The following CAPN8 variants were observed in gnomAD, a reference collection of about 807,000 sequenced individuals.
CAPN8 encodes the protein calpain-8.
CAPN8 carries 87 observed loss-of-function variants against 80.9 expected under a neutral mutation model. The ratio of observed to expected loss-of-function variants is 1.07; its 90% CI spans 0.90 to 1.28. The LOEUF (loss-of-function observed/expected upper bound fraction) is 1.28, where lower values mean the gene tolerates loss of function less well. Among genes scored for constraint, CAPN8 ranks in the 50% most tolerant of loss-of-function variants. CAPN8 has a pLI of 0.00. For missense variants in CAPN8, 757 were observed against 702.0 expected, an observed-to-expected ratio of 1.08 and a Z score of -0.89; for synonymous variants, 299 against 273.8, an observed-to-expected ratio of 1.09 and a Z score of -0.91.
intron 16 of CAPN8, 43 bp from the exon 17 acceptor site, chr1:223,545,342 A>G: frequency 1.3e-6 from 2 of 1,551,222 alleles, no homozygotes; most frequent in Non-Finnish European, 1.7e-6. Flanking sequence ...CAAATTCTAC[A>G]TGCCTTATAG....
chr1:223,640,226 T>C (rs1399650286), intron 2 of CAPN8, among the ~76,000 whole-genome samples: 1 of 151,952 alleles, frequency 6.6e-6, no homozygotes, highest in Non-Finnish European at 1.5e-5. Flanking sequence ...AAGATAAAAA[T>C]GAGATAAGAT....
intron 2 of CAPN8, among the ~76,000 whole-genome samples, chr1:223,648,146 G>C (rs1020065778): frequency 1.3e-4 from 20 of 152,216 alleles, no homozygotes; most frequent in Admixed American, 1.2e-3. Context: ...GTAGAAAGGA[G>C]AGTGGTGTTA....
chr1:223,642,451 A>G (rs1658068996), intron 2 of CAPN8, among the ~76,000 whole-genome samples: 1 of 152,134 alleles, frequency 6.6e-6, no homozygotes, highest in Admixed American at 6.5e-5. Context: ...TCCCATGACG[A>G]CCCAGAAGGG....
chr1:223,543,096 C>T lies in CAPN8; in HGVS notation c.2088+12G>A. ...CATCAGCCAGCAATTCATCAAACCT[C>T]AGGACATTCACCTCGGCCAGAGAGA... On this transcript the variant is annotated intron_variant, in intron 20 of 20. Transcript: ENST00000366872. 4 of 1,551,648 alleles carry T rather than the reference C, an allele frequency of 2.6e-6. No homozygotes were observed. Among genetic ancestry groups the T allele is most frequent in the Non-Finnish European group, 3.5e-6 (4 of 1,146,956 alleles).
chr1:223,660,938 A>C (rs1280305625), intron 1 of CAPN8, among the ~76,000 whole-genome samples: 1 of 152,162 alleles, frequency 6.6e-6, no homozygotes, highest in Non-Finnish European at 1.5e-5. Context: ...AGGCCGAGGC[A>C]GGTGGGTCAC....
intron 1 of CAPN8, among the ~76,000 whole-genome samples, chr1:223,657,218 T>A (rs531222513): frequency 1.1e-3 from 168 of 152,280 alleles, no homozygotes; most frequent in Non-Finnish European, 2.1e-3. Context: ...CCAGCCAATC[T>A]GGGTGTTCTA....
At chr1:223,543,574 C>T (rs186839803) in intron 19 of CAPN8, among the ~76,000 whole-genome samples, 2 of 152,244 alleles carry the variant, frequency 1.3e-5, no homozygotes, top group Admixed American at 1.3e-4. Flanking sequence ...ACCTACCAAA[C>T]CTCAGTGGAA....
chr1:223,555,657 T>C (rs1656888332), intron 13 of CAPN8, among the ~76,000 whole-genome samples: 1 of 150,658 alleles, frequency 6.6e-6, no homozygotes, highest in Non-Finnish European at 1.5e-5. Flanking sequence ...TAAAATTGCA[T>C]AGGGGAAAAA....
At chr1:223,653,543 C>G (rs1056145260) in intron 2 of CAPN8, among the ~76,000 whole-genome samples, 2 of 152,012 alleles carry the variant, frequency 1.3e-5, no homozygotes, top group Non-Finnish European at 2.9e-5. Flanking sequence ...GGATTTGTTT[C>G]TTTTTCACCT....
intron 9 of CAPN8, among the ~76,000 whole-genome samples, chr1:223,618,977 C>G (rs1344253395): frequency 6.6e-6 from 1 of 152,178 alleles, no homozygotes; most frequent in Admixed American, 6.5e-5. Flanking sequence ...ATCACTTGAG[C>G]CTAGGAGCTC....
intron 2 of CAPN8, among the ~76,000 whole-genome samples, chr1:223,641,680 T>C (rs1423950366): frequency 2.6e-5 from 4 of 152,204 alleles, no homozygotes; most frequent in African/African-American, 9.6e-5. Flanking sequence ...GCACCAGTCC[T>C]ACCACTACTT....
chr1:223,656,935 C>T lies in CAPN8; in HGVS notation c.238-2536G>A, dbSNP rs543774584. ...TCCTGACCTCGTGATCCGCCCGCCT[C>T]GGCCTCCCAAAGTGCTGGGATTACA... is the stretch of plus-strand genomic sequence containing the variant. On this transcript the variant is annotated intron_variant, in intron 1 of 20. Transcript: ENST00000366872. Among the ~76,000 whole-genome samples, 16 of 152,130 alleles carry T rather than the reference C, an allele frequency of 1.1e-4. No individual in the cohort carries two copies. In the East Asian group the frequency reaches 1.5e-3, roughly 15 times the overall value.
intron 16 of CAPN8, 73 bp downstream of exon 16, chr1:223,549,245 G>A (rs76861777): frequency 0.11 from 160,085 of 1,521,418 alleles, 8,889 homozygotes; most frequent in Non-Finnish European, 0.11. Context: ...CCTTCTAACT[G>A]GAAAAGGTGG....
chr1:223,617,841 G>A (rs1217466771), intron 9 of CAPN8: 1 of 173,404 alleles, frequency 5.8e-6, no homozygotes, highest in Non-Finnish European at 1.2e-5. Context: ...AAGCTCAGAA[G>A]AGGGAAATGC....
intron 11 of CAPN8, among the ~76,000 whole-genome samples, chr1:223,609,850 G>A (rs1215877519): frequency 1.3e-5 from 2 of 152,194 alleles, no homozygotes; most frequent in Non-Finnish European, 2.9e-5. Context: ...TCTGCAAAGA[G>A]ACTAGGATGG....
chr1:223,643,237 G>A (rs1658091374), intron 2 of CAPN8, among the ~76,000 whole-genome samples: 1 of 152,212 alleles, frequency 6.6e-6, no homozygotes, highest in Admixed American at 6.5e-5. Context: ...TTATTGCTAG[G>A]GACAGCCCTG....
intron 20 of CAPN8, among the ~76,000 whole-genome samples, chr1:223,542,261 C>A (rs1656487365): frequency 7.6e-6 from 1 of 130,792 alleles, no homozygotes; most frequent in African/African-American, 3.0e-5. Flanking sequence ...GTATTTGTTT[C>A]TATATGTGTA....
At chr1:223,659,794 T>G (rs1419308) in intron 1 of CAPN8, among the ~76,000 whole-genome samples, 1 of 152,050 alleles carries the variant, frequency 6.6e-6, no homozygotes, top group Non-Finnish European at 1.5e-5. Context: ...CTCCATTTTA[T>G]GGAAGAGGAA....
chr1:223,641,366 T>TTTA (rs1553338764), intron 2 of CAPN8, among the ~76,000 whole-genome samples: 2,359 of 146,048 alleles, frequency 0.016, 54 homozygotes, highest in African/African-American at 0.051. Flanking sequence ...AGCCTTTTTT[T>TTTA]AAAAAAAAAA....
Sources: gnomAD v4.1 joint callset for allele counts (sites outside exome capture counted in the v4.1 genomes callset) on GRCh38, gnomAD v4.1.1 for gene constraint, MANE v1.5 for transcripts, NCBI Gene and HGNC (gene_info 2026-07-23, HGNC 2026-07-21) for gene names.